The following GALNT16 variants were observed in gnomAD, a reference collection of about 807,000 sequenced individuals.
The protein encoded by GALNT16 is polypeptide N-acetylgalactosaminyltransferase 16, also known as UDP-GalNAc:polypeptide N-acetylgalactosaminyltransferase-like protein 1.
A neutral mutation model predicts 76.1 loss-of-function variants in GALNT16; 40 were observed. The ratio of observed to expected loss-of-function variants is 0.53; its 90% CI spans 0.41 to 0.68. The LOEUF (loss-of-function observed/expected upper bound fraction) is 0.68. GALNT16 is among the 30% of genes least tolerant of loss of function. The probability of loss-of-function intolerance (pLI) is 0.00; values close to 1 mark genes in which losing one functional copy is unlikely to be tolerated. For missense variants in GALNT16, 621 were observed against 731.9 expected, an observed-to-expected ratio of 0.85 and a Z score of 1.75; for synonymous variants, 276 against 285.2, an observed-to-expected ratio of 0.97 and a Z score of 0.32.
At chr14:69,380,432 T>G in the GALNT16 span, 1 of 646,540 alleles carries the variant, frequency 1.5e-6, no homozygotes, top group Non-Finnish European at 2.8e-6. Flanking sequence ...GGCTAGAGTA[T>G]AACAAAGTGG....
At chr14:69,313,840 C>T (rs891557837) in intron 1 of GALNT16, among the ~76,000 whole-genome samples, 1 of 134,346 alleles carries the variant, frequency 7.4e-6, no homozygotes, top group African/African-American at 2.5e-5. Context: ...TGGTGAAGTT[C>T]CTGGTCAATA....
chr14:69,330,631 G>A (rs760911722), intron 6 of GALNT16, among the ~76,000 whole-genome samples: 9 of 152,196 alleles, frequency 5.9e-5, no homozygotes, highest in Non-Finnish European at 1.2e-4. Flanking sequence ...CTGATCTAGG[G>A]TGGGAACTGA....
At chr14:69,302,846 A>G (rs1347030522) in intron 1 of GALNT16, among the ~76,000 whole-genome samples, 1 of 152,232 alleles carries the variant, frequency 6.6e-6, no homozygotes, top group African/African-American at 2.4e-5. Context: ...TTTTTAGAAT[A>G]ACTGTGTCTT....
At chr14:69,291,317 T>G (rs933482185) in intron 1 of GALNT16, among the ~76,000 whole-genome samples, 1 of 151,974 alleles carries the variant, frequency 6.6e-6, no homozygotes, top group African/African-American at 2.4e-5. Flanking sequence ...AAATAAAATT[T>G]TATGTGGGAA....
At chr14:69,288,300 C>T (rs2044643240) in intron 1 of GALNT16, among the ~76,000 whole-genome samples, 1 of 152,206 alleles carries the variant, frequency 6.6e-6, no homozygotes, top group Non-Finnish European at 1.5e-5. Context: ...TTCCCACTAC[C>T]CCCTGCTGCG....
At chr14:69,365,582 T>C in the GALNT16 span, among the ~76,000 whole-genome samples, 2 of 152,084 alleles carry the variant, frequency 1.3e-5, no homozygotes, top group Admixed American at 1.3e-4. Flanking sequence ...TGAGAACACA[T>C]GGACACATTG....
intron 5 of GALNT16, among the ~76,000 whole-genome samples, chr14:69,326,464 C>T (rs1195298351): frequency 6.6e-6 from 1 of 152,196 alleles, no homozygotes; most frequent in East Asian, 1.9e-4. Flanking sequence ...AAAGCATAGT[C>T]CCTGCCCTCG....
chr14:69,337,558 C>A (rs1282808063), intron 9 of GALNT16, among the ~76,000 whole-genome samples: 1 of 152,144 alleles, frequency 6.6e-6, no homozygotes, highest in African/African-American at 2.4e-5. Flanking sequence ...AGGACTGTGC[C>A]CAGTTCTACG....
At chr14:69,278,932 ATT>A (rs532468111) in intron 1 of GALNT16, among the ~76,000 whole-genome samples, 73 of 144,002 alleles carry the variant, frequency 5.1e-4, no homozygotes, top group Admixed American at 1.4e-3. Flanking sequence ...CTTTACCTTA[ATT>A]TTTTTTTTTT....
downstream of GALNT16, among the ~76,000 whole-genome samples, chr14:69,361,509 C>G (rs1181463324): frequency 2.0e-5 from 3 of 152,214 alleles, no homozygotes; most frequent in South Asian, 4.1e-4. Flanking sequence ...ATTCATAGAA[C>G]ACTGACATGT....
At chr14:69,382,768 G>A in the GALNT16 span, among the ~76,000 whole-genome samples, 1,707 of 145,580 alleles carry the variant, frequency 0.012, 45 homozygotes, top group African/African-American at 0.042. Context: ...GAACCCTGGC[G>A]ACAGTGCAAG....
chr14:69,371,251 G>A, the GALNT16 span, among the ~76,000 whole-genome samples: 2 of 151,792 alleles, frequency 1.3e-5, no homozygotes, highest in African/African-American at 2.4e-5. Context: ...TGTATTAATA[G>A]TAATTTTTTT....
chr14:69,338,775 C>T lies in GALNT16; in HGVS notation c.1092C>T (p.Ile364=), dbSNP rs1001440799. The T allele has an allele frequency of 6.2e-7, 1 of 1,610,216 alleles. No homozygotes were observed. Among genetic ancestry groups the T allele is most frequent in the African/African-American group, 1.3e-5 (1 of 74,842 alleles). The change falls in exon 10 of 15, where the codon ATC becomes ATT. Residue 364 remains isoleucine, a splice_region_variant and synonymous_variant. Coordinates refer to ENST00000448469, the MANE Select transcript of GALNT16 (RefSeq NM_001168368.2). ...CTGAGGGTAATGCCCTCACCTACAT[C>T]AGGTAGGTCACCGAGAAAGGAGCAC... ...NFPEGNALTY[I]RNTKRTAEVW...
chr14:69,342,767 C>T (rs998346175), intron 12 of GALNT16, among the ~76,000 whole-genome samples: 1 of 152,150 alleles, frequency 6.6e-6, no homozygotes, highest in Non-Finnish European at 1.5e-5. Flanking sequence ...CAATAAGCTA[C>T]GATGGCCTTT....
chr14:69,291,901 A>G (rs2044691453), intron 1 of GALNT16, among the ~76,000 whole-genome samples: 2 of 152,218 alleles, frequency 1.3e-5, no homozygotes, highest in South Asian at 4.1e-4. Context: ...TTACTATGGT[A>G]GGTCATTACT....
In GALNT16 at chr14:69,321,010, C is replaced by T. The variant is rs575291881; in HGVS notation, c.335+142C>T. Reference sequence around the variant, plus strand: ...AGTGATTTAGACATTCAAAAACCCTCACCCTCTGTTGCTGGTTTACCTGGC... The same window carrying T: ...AGTGATTTAGACATTCAAAAACCCTTACCCTCTGTTGCTGGTTTACCTGGC... On this transcript the variant is annotated intron_variant, in intron 2 of 14. Coordinates refer to ENST00000448469, the MANE Select transcript of GALNT16 (RefSeq NM_001168368.2). 163 of 897,288 alleles carry T rather than the reference C, an allele frequency of 1.8e-4. 2 individuals are homozygous for T. The highest frequency in any genetic ancestry group is 1.0e-3 in the South Asian group (56 of 54,630). The allele number at this position is 897,288 out of a possible 1,614,324, so 55.6% of individuals were successfully genotyped here. A position where few individuals can be genotyped will look rare whatever the true frequency, so the allele number is the denominator to read the frequency against.
chr14:69,362,947 C>G, the GALNT16 span, among the ~76,000 whole-genome samples: 2 of 152,228 alleles, frequency 1.3e-5, no homozygotes, highest in African/African-American at 2.4e-5. Flanking sequence ...GGCTTTGAAA[C>G]CTTGCTTCAT....
intron 1 of GALNT16, among the ~76,000 whole-genome samples, chr14:69,313,454 G>A (rs1257238487): frequency 6.6e-6 from 1 of 152,214 alleles, no homozygotes; most frequent in African/African-American, 2.4e-5. Flanking sequence ...CGGGCCTGAT[G>A]CCTTGGCCTA....
chr14:69,368,692 G>A, the GALNT16 span, among the ~76,000 whole-genome samples: 1 of 152,290 alleles, frequency 6.6e-6, no homozygotes, highest in Non-Finnish European at 1.5e-5. Context: ...ATCACTGGGG[G>A]CCACCTCAGA....
Sources: gnomAD v4.1 joint callset for allele counts (sites outside exome capture counted in the v4.1 genomes callset) on GRCh38, gnomAD v4.1.1 for gene constraint, MANE v1.5 for transcripts, NCBI Gene and HGNC (gene_info 2026-07-23, HGNC 2026-07-21) for gene names.